MCF2L2: variants seen among roughly 807,000 people sequenced by gnomAD.
MCF2L2 encodes MCF.2 cell line derived transforming sequence-like 2.
A neutral mutation model predicts 150.2 loss-of-function variants in MCF2L2; 102 were observed. The observed-to-expected ratio is 0.68, with a 90% CI of 0.58 to 0.80. The LOEUF (loss-of-function observed/expected upper bound fraction) is 0.80, where lower values mean the gene tolerates loss of function less well. Among genes scored for constraint, MCF2L2 ranks in the 30% least tolerant of loss-of-function variants. The probability of loss-of-function intolerance (pLI) is 0.00; values close to 1 mark genes in which losing one functional copy is unlikely to be tolerated. For synonymous variants in MCF2L2, 465 were observed against 491.3 expected (o/e 0.95, Z 0.71); for missense variants, 1,256 against 1,372.8 (o/e 0.91, Z 1.34).
At chr3:183,360,182 T>G (rs1712047752) in intron 3 of MCF2L2, among the ~76,000 whole-genome samples, 1 of 152,188 alleles carries the variant, frequency 6.6e-6, no homozygotes, top group Non-Finnish European at 1.5e-5. Flanking sequence ...CAAGAAATTA[T>G]GCCAGTTTAC....
chr3:183,343,910 C>T (rs1730800290), intron 3 of MCF2L2, among the ~76,000 whole-genome samples: 1 of 152,042 alleles, frequency 6.6e-6, no homozygotes. Context: ...GTGGCTCACA[C>T]CTGTAATCCC....
chr3:183,286,195 T>C (rs764518439), intron 14 of MCF2L2, among the ~76,000 whole-genome samples: 2 of 152,218 alleles, frequency 1.3e-5, no homozygotes, highest in African/African-American at 2.4e-5. Flanking sequence ...GTCATAATTT[T>C]AGCTGTAGGT....
chr3:183,252,497 C>A (rs1416665538), intron 15 of MCF2L2, among the ~76,000 whole-genome samples: 3 of 152,136 alleles, frequency 2.0e-5, no homozygotes, highest in Non-Finnish European at 4.4e-5. Context: ...TTTGAATGAA[C>A]AACAGTTTTC....
chr3:183,330,771 T>A (rs377195857), intron 5 of MCF2L2, among the ~76,000 whole-genome samples: 19 of 152,274 alleles, frequency 1.2e-4, no homozygotes, highest in Middle Eastern at 6.8e-3. Flanking sequence ...AAAGGCAGAA[T>A]AATTGTGCTC....
intron 20 of MCF2L2, 98 bp downstream of exon 20, chr3:183,223,248 G>C: frequency 1.2e-6 from 1 of 867,590 alleles, no homozygotes; most frequent in Non-Finnish European, 1.9e-6. Flanking sequence ...TTCAGCCTTA[G>C]AAGACCAAGG....
chr3:183,214,013 C>T (rs1722825803), intron 22 of MCF2L2, among the ~76,000 whole-genome samples: 1 of 152,200 alleles, frequency 6.6e-6, no homozygotes, highest in Non-Finnish European at 1.5e-5. Flanking sequence ...TAAGCTGGTT[C>T]ATCCTATTTG....
At position 183,230,908 on chromosome 3, in the gene MCF2L2, G is replaced by A. The variant is rs1428088899; in HGVS notation, c.1929+43C>T. 3 of 1,455,312 alleles carry A rather than the reference G, an allele frequency of 2.1e-6. No homozygotes were observed. The East Asian group carries it at 6.8e-5, about 33-fold the overall frequency. The allele number at this position is 1,455,312 out of a possible 1,614,324, so 90.1% of individuals were successfully genotyped here. A position where few individuals can be genotyped will look rare whatever the true frequency, so the allele number is the denominator to read the frequency against. ...CTCTTTGTACAACAAAACATCTGCA[G>A]TTTGAATATATGCTTGATACCCCAC... On this transcript the variant is annotated intron_variant, in intron 16 of 29. Transcript: ENST00000328913.
Position 183,269,735 on chromosome 3 carries a change from A to G in MCF2L2, c.1862+7137T>C, listed in dbSNP as rs900539541. 18 of 1,437,612 alleles carry G rather than the reference A, an allele frequency of 1.3e-5. No individual in the cohort carries two copies. In the African/African-American group the frequency reaches 1.9e-4, roughly 15 times the overall value. 89.1% of individuals were successfully genotyped at this position (1,437,612 alleles called of 1,614,324 possible). ...CCTACTCTACGAAACACGAAGTTCT[A>G]TGGTCTCGAAGAAGCCCGTGCCTGT... On this transcript the variant is annotated intron_variant, in intron 15 of 29. Coordinates refer to ENST00000328913, the MANE Select transcript of MCF2L2 (RefSeq NM_015078.4).
intron 15 of MCF2L2, among the ~76,000 whole-genome samples, chr3:183,244,447 A>G (rs912363008): frequency 1.3e-5 from 2 of 152,164 alleles, no homozygotes; most frequent in African/African-American, 2.4e-5. Flanking sequence ...GCAGATGCCT[A>G]TTGTGGGACT....
chr3:183,372,597 CAGG>C, intron 3 of MCF2L2: 1 of 152,274 alleles, frequency 6.6e-6, no homozygotes, highest in East Asian at 1.9e-4. Flanking sequence ...GAGGCTGAGG[CAGG>C]AGAATCACTT....
rs1723423060 is a variant in MCF2L2 at position 183,228,295 on chromosome 3, ACTCT to A, written c.2113_2115+1del. Reference sequence around the variant, plus strand: ...GATTATTTACTGGGAGTACAGACTTACTCTCTTGAGAAAGCAATGTGCCAGAAGT... The same window carrying A: ...GATTATTTACTGGGAGTACAGACTTACTTGAGAAAGCAATGTGCCAGAAGT... On this transcript the variant is annotated splice_donor_variant and coding_sequence_variant, in exon 18 of 30. Transcript: ENST00000328913. LOFTEE classifies it high-confidence loss of function. 1 of 1,610,916 alleles carries A rather than the reference ACTCT, an allele frequency of 6.2e-7. No individual in the cohort carries two copies. Among genetic ancestry groups the A allele is most frequent in the Admixed American group, 1.7e-5 (1 of 59,976 alleles).
At chr3:183,239,278 G>C (rs528486125) in intron 15 of MCF2L2, among the ~76,000 whole-genome samples, 3 of 151,988 alleles carry the variant, frequency 2.0e-5, no homozygotes, top group African/African-American at 7.3e-5. Flanking sequence ...AACAGACGCC[G>C]CCCTTAGCTC....
chr3:183,310,593 A>G (rs143332644), intron 9 of MCF2L2: 1 of 318,542 alleles, frequency 3.1e-6, no homozygotes, highest in Admixed American at 4.4e-5. Context: ...AGCCCAGAAG[A>G]TCAAAGCTGC....
At chr3:183,213,892 G>C (rs1262135925) in intron 22 of MCF2L2, among the ~76,000 whole-genome samples, 5 of 152,188 alleles carry the variant, frequency 3.3e-5, no homozygotes, top group Non-Finnish European at 7.4e-5. Flanking sequence ...GTAAAAGTAA[G>C]TTAAGTCTTA....
Position 183,361,070 on chromosome 3 carries a change from C to CAGAAGAGAAGAGAAGAGAAG in MCF2L2, c.275+18226_275+18227insCTTCTCTTCTCTTCTCTTCT, listed in dbSNP as rs879802085. Among the ~76,000 whole-genome samples the CAGAAGAGAAGAGAAGAGAAG allele has an allele frequency of 6.4e-3, 695 of 109,054 alleles. 25 individuals carry two copies. The highest frequency in any genetic ancestry group is 0.03 in the African/African-American group (650 of 21,838). 71.5% of individuals were successfully genotyped at this position (109,054 alleles called of 152,430 possible). ...AAAGGAAAGGAAAGACCAGATAAGA[C>CAGAAGAGAAGAGAAGAGAAG]AGAAGAGAAGACAAGACAAGACAAG... On this transcript the variant is annotated intron_variant, in intron 3 of 29. Transcript: ENST00000328913.
At chr3:183,361,357 C>T (rs1163013634) in intron 3 of MCF2L2, among the ~76,000 whole-genome samples, 3 of 152,136 alleles carry the variant, frequency 2.0e-5, no homozygotes, top group Non-Finnish European at 4.4e-5. Flanking sequence ...TGTGTTCCCA[C>T]CTAAATCTCA....
At chr3:183,265,928 G>C (rs745792401) in intron 15 of MCF2L2, 8 of 152,198 alleles carry the variant, frequency 5.3e-5, no homozygotes, top group Non-Finnish European at 8.8e-5. Flanking sequence ...AGTAGCGTGG[G>C]ATGTTGGCTT....
intron 11 of MCF2L2, 163 bp downstream of exon 11, chr3:183,299,842 C>T (rs1728746695): frequency 2.8e-6 from 2 of 708,842 alleles, no homozygotes; most frequent in Non-Finnish European, 4.5e-6. Flanking sequence ...AGGTATACTT[C>T]TACACCCCAG....
At chr3:183,420,204 T>C (rs902976931) in intron 1 of MCF2L2, among the ~76,000 whole-genome samples, 1 of 152,238 alleles carries the variant, frequency 6.6e-6, no homozygotes, top group Non-Finnish European at 1.5e-5. Context: ...CCTCTGCCTG[T>C]TACCCAGTTC....
Sources: gnomAD v4.1 joint callset for allele counts (sites outside exome capture counted in the v4.1 genomes callset) on GRCh38, gnomAD v4.1.1 for gene constraint, MANE v1.5 for transcripts, NCBI Gene and HGNC (gene_info 2026-07-23, HGNC 2026-07-21) for gene names.